GLCE: variants seen among roughly 807,000 people sequenced by gnomAD.
GLCE encodes glucuronic acid epimerase.
Under a neutral mutation model 47.9 loss-of-function variants are expected in GLCE, and 19 were observed. That is an observed-to-expected ratio of 0.40 (90% CI 0.28 to 0.58). The LOEUF is 0.58. GLCE is among the 20% of genes least tolerant of loss of function. The pLI, the probability that GLCE is intolerant of heterozygous loss-of-function variation, is 0.48. For synonymous variants in GLCE, 245 were observed against 263.4 expected, an observed-to-expected ratio of 0.93 and a Z score of 0.68; for missense variants, 556 against 743.3, an observed-to-expected ratio of 0.75 and a Z score of 2.93.
chr15:69,262,530 C>T (rs1409916801), intron 4 of GLCE, among the ~76,000 whole-genome samples: 2 of 152,152 alleles, frequency 1.3e-5, no homozygotes, highest in South Asian at 2.1e-4. Context: ...ATCAGCAGCC[C>T]TCACCTTGAT....
chr15:69,248,347 G>T (rs1454248169), intron 2 of GLCE, among the ~76,000 whole-genome samples: 1 of 152,136 alleles, frequency 6.6e-6, no homozygotes, highest in Non-Finnish European at 1.5e-5. Context: ...TTATAAATCT[G>T]TTTTAAAATC....
intron 1 of GLCE, among the ~76,000 whole-genome samples, chr15:69,205,920 C>T (rs781419702): frequency 2.0e-5 from 3 of 151,942 alleles, no homozygotes; most frequent in Non-Finnish European, 2.9e-5. Flanking sequence ...ACACAGCTTG[C>T]CATAATAATA....
chr15:69,189,942 T>C (rs1316508094), intron 1 of GLCE, among the ~76,000 whole-genome samples: 7 of 152,006 alleles, frequency 4.6e-5, no homozygotes, highest in South Asian at 2.1e-4. Context: ...TAGCACCCTT[T>C]AGTTAGTTTT....
chr15:69,180,404 TG>T (rs1339468367), intron 1 of GLCE, among the ~76,000 whole-genome samples: 1 of 151,776 alleles, frequency 6.6e-6, no homozygotes, highest in African/African-American at 2.4e-5. Flanking sequence ...TTAAAAAAAA[TG>T]TAAGTTTACA....
At chr15:69,264,799 T>A (rs937238846) in intron 4 of GLCE, among the ~76,000 whole-genome samples, 26 of 152,190 alleles carry the variant, frequency 1.7e-4, no homozygotes, top group African/African-American at 6.3e-4. Context: ...TGATTAATGA[T>A]GTTGAGCACC....
intron 4 of GLCE, among the ~76,000 whole-genome samples, chr15:69,266,319 A>G (rs1055030844): frequency 5.3e-5 from 8 of 151,830 alleles, no homozygotes; most frequent in Non-Finnish European, 1.2e-4. Context: ...ATCAGTTCAC[A>G]TTCCTTTTTC....
chr15:69,224,286 A>G (rs1285965778), intron 2 of GLCE, among the ~76,000 whole-genome samples: 3 of 152,140 alleles, frequency 2.0e-5, no homozygotes, highest in African/African-American at 7.2e-5. Context: ...GGATCAGCCT[A>G]TGTCAGAGAT....
intron 2 of GLCE, 25 bp from the exon 3 acceptor site, chr15:69,255,769 A>AT (rs756861490): frequency 3.0e-5 from 41 of 1,379,746 alleles, no homozygotes; most frequent in South Asian, 6.2e-5. Context: ...TCTTTGCATG[A>AT]TTTTTTTTCT....
intron 2 of GLCE, among the ~76,000 whole-genome samples, chr15:69,214,331 A>G (rs115226080): frequency 0.016 from 2,484 of 152,186 alleles, 57 homozygotes; most frequent in African/African-American, 0.054. Flanking sequence ...GAGACCTGGT[A>G]GGAGGTGACT....
chr15:69,193,915 A>G (rs2051949790), intron 1 of GLCE, among the ~76,000 whole-genome samples: 2 of 152,264 alleles, frequency 1.3e-5, no homozygotes, highest in South Asian at 2.1e-4. Context: ...TCATAGTTAA[A>G]TTATTTAAAC....
At position 69,235,138 on chromosome 15, in the gene GLCE, C is replaced by T. The variant is rs970307960; in HGVS notation, c.-13-20656C>T. On this transcript the variant is annotated intron_variant, in intron 2 of 4. Transcript: ENST00000261858. Reference sequence around the variant, plus strand: ...TTTTTTTTTTTTTGAGATAGAGTCTCGCTTTGTCACCCAGGCTGGAGTGCA... The same window carrying T: ...TTTTTTTTTTTTTGAGATAGAGTCTTGCTTTGTCACCCAGGCTGGAGTGCA... 4.0e-5 allele frequency among the ~76,000 whole-genome samples: 4 copies of T among 99,168 alleles called. No homozygotes were observed. In the South Asian group the frequency reaches 1.1e-3, roughly 26 times the overall value. The allele number at this position is 99,168 out of a possible 152,430, so 65.1% of individuals were successfully genotyped here.
chr15:69,267,556 A>G (rs1415116994), intron 4 of GLCE, among the ~76,000 whole-genome samples: 2 of 152,228 alleles, frequency 1.3e-5, no homozygotes, highest in Non-Finnish European at 2.9e-5. Context: ...AAACAAATCT[A>G]TCATTTTCAA....
chr15:69,184,401 A>G (rs2051793545), intron 1 of GLCE, among the ~76,000 whole-genome samples: 1 of 152,172 alleles, frequency 6.6e-6, no homozygotes, highest in African/African-American at 2.4e-5. Flanking sequence ...GAGCTCTTTC[A>G]TCTCTTTCCC....
chr15:69,194,479 G>C (rs2051957336), intron 1 of GLCE: 1 of 152,120 alleles, frequency 6.6e-6, no homozygotes, highest in East Asian at 1.9e-4. Context: ...AGTGACTCAT[G>C]GAACCATTTG....
chr15:69,228,953 G>A (rs1332202145), intron 2 of GLCE, among the ~76,000 whole-genome samples: 1 of 152,158 alleles, frequency 6.6e-6, no homozygotes, highest in Non-Finnish European at 1.5e-5. Context: ...TTCCCAAAGT[G>A]CTGGGATTAT....
chr15:69,254,882 A>G (rs1051630595), intron 2 of GLCE, among the ~76,000 whole-genome samples: 2 of 152,186 alleles, frequency 1.3e-5, no homozygotes, highest in African/African-American at 2.4e-5. Flanking sequence ...CAAAGTGAAT[A>G]GACTGAATAG....
chr15:69,178,509 T>C (rs1433576231), intron 1 of GLCE, among the ~76,000 whole-genome samples: 1 of 152,110 alleles, frequency 6.6e-6, no homozygotes, highest in Non-Finnish European at 1.5e-5. Context: ...CTGTTATGAG[T>C]ATTAGATAAG....
At chr15:69,197,095 G>T (rs957227187) in intron 1 of GLCE, 1 of 331,598 alleles carries the variant, frequency 3.0e-6, no homozygotes, top group African/African-American at 2.1e-5. Context: ...TGCATGGAAA[G>T]CTGCAACGCC....
intron 1 of GLCE, among the ~76,000 whole-genome samples, chr15:69,182,382 TGAAA>T (rs982367563): frequency 6.1e-5 from 9 of 148,310 alleles, no homozygotes; most frequent in Admixed American, 3.4e-4. Flanking sequence ...AAAATTGCGC[TGAAA>T]GAGAGAGAGA....
Sources: allele counts gnomAD v4.1 joint callset (sites outside exome capture counted in the v4.1 genomes callset), GRCh38; gene constraint gnomAD v4.1.1; transcripts MANE v1.5; gene names NCBI Gene and HGNC (gene_info 2026-07-23, HGNC 2026-07-21).